The following ARID1B variants were observed in gnomAD, a reference collection of about 807,000 sequenced individuals.
ARID1B encodes the protein AT-rich interaction domain 1B, also known as AT-rich interactive domain-containing protein 1B.
A neutral mutation model predicts 212.3 loss-of-function variants in ARID1B; 30 were observed. That is an observed-to-expected ratio of 0.14 (90% confidence interval 0.11 to 0.19). ARID1B has a LOEUF of 0.19. Among genes scored for constraint, ARID1B ranks in the 10% least tolerant of loss-of-function variants. ARID1B has a pLI of 1.00. For missense variants in ARID1B, 2,891 were observed against 3,204.0 expected (o/e 0.90, Z 2.36); for synonymous variants, 1,402 against 1,301.7 (o/e 1.08, Z -1.66).
chr6:156,874,659 C>G (rs963193011), intron 2 of ARID1B, among the ~76,000 whole-genome samples: 2 of 152,162 alleles, frequency 1.3e-5, no homozygotes, highest in Admixed American at 6.5e-5. Context: ...TCCTTCATTC[C>G]TCTTACACAA....
At chr6:157,167,006 C>T (rs1327335673) in intron 8 of ARID1B, 34 bp from the exon 9 acceptor site, 5 of 1,602,676 alleles carry the variant, frequency 3.1e-6, no homozygotes, top group Middle Eastern at 1.6e-4. Flanking sequence ...TGTGCATGGT[C>T]GGTATATGTG....
At chr6:157,140,181 C>G (rs1418920745) in intron 7 of ARID1B, among the ~76,000 whole-genome samples, 2 of 151,980 alleles carry the variant, frequency 1.3e-5, no homozygotes, top group African/African-American at 4.8e-5. Context: ...TATTAGAACA[C>G]TTTTTGGGCC....
At chr6:156,820,852 G>A (rs1046741628) in intron 1 of ARID1B, among the ~76,000 whole-genome samples, 11 of 152,246 alleles carry the variant, frequency 7.2e-5, no homozygotes, top group African/African-American at 1.9e-4. Flanking sequence ...CATAGCAAGA[G>A]TAGTGAAGGA....
At chr6:156,976,966 C>G (rs1777288819) in intron 4 of ARID1B, 1 of 535,450 alleles carries the variant, frequency 1.9e-6, no homozygotes, top group African/African-American at 1.9e-5. Context: ...CTGCTTCCAT[C>G]CTGCCAGTTT....
At chr6:156,852,537 T>C (rs1243551574) in intron 2 of ARID1B, among the ~76,000 whole-genome samples, 1 of 152,148 alleles carries the variant, frequency 6.6e-6, no homozygotes, top group Non-Finnish European at 1.5e-5. Flanking sequence ...CTCATATGAC[T>C]ATTCCAACCA....
rs141153792 is a variant in ARID1B at position 156,880,739 on chromosome 6, C to CAAAAAAAA, written c.1987-20619_1987-20612dup. 2.4e-4 allele frequency among the ~76,000 whole-genome samples: 21 copies of CAAAAAAAA among 86,994 alleles called. 1 individual carries two copies. The highest frequency in any genetic ancestry group is 1.0e-3 in the East Asian group (2 of 1,978). 57.1% of individuals were successfully genotyped at this position (86,994 alleles called of 152,430 possible). A position where few individuals can be genotyped will look rare whatever the true frequency, so the allele number is the denominator to read the frequency against. On this transcript the variant is annotated intron_variant, in intron 2 of 19. Coordinates refer to ENST00000636930, the MANE Select transcript of ARID1B (RefSeq NM_001374828.1). ...TGGGCCACGGAGCGAGACTCTGTCT[C>CAAAAAAAA]AAAAAAAAAAAAAAAAAAAAAAAAA...
chr6:157,012,212 G>A (rs567352555), intron 4 of ARID1B, among the ~76,000 whole-genome samples: 1 of 152,286 alleles, frequency 6.6e-6, no homozygotes, highest in South Asian at 2.1e-4. Flanking sequence ...CTGAGATGTA[G>A]GATGGAATAG....
chr6:156,921,666 G>A (rs1010004766), intron 3 of ARID1B, among the ~76,000 whole-genome samples: 1 of 152,086 alleles, frequency 6.6e-6, no homozygotes, highest in Non-Finnish European at 1.5e-5. Flanking sequence ...GTGGGGAAGA[G>A]ATAATTTAGT....
chr6:156,925,454 G>GCT (rs1791140144), intron 3 of ARID1B, among the ~76,000 whole-genome samples: 1 of 152,070 alleles, frequency 6.6e-6, no homozygotes, highest in South Asian at 2.1e-4. Flanking sequence ...GTCACAGTGA[G>GCT]CTATGATTGT....
At chr6:157,174,268 T>C (rs1244464084) in intron 10 of ARID1B, 151 bp downstream of exon 10, 1 of 636,260 alleles carries the variant, frequency 1.6e-6, no homozygotes, top group Non-Finnish European at 2.7e-6. Flanking sequence ...AGTCTTCTTT[T>C]CTTTCCCCAG....
intron 9 of ARID1B, among the ~76,000 whole-genome samples, chr6:157,171,462 G>T (rs1269581795): frequency 6.6e-6 from 1 of 152,198 alleles, no homozygotes; most frequent in Non-Finnish European, 1.5e-5. Context: ...GCCTTGGGAG[G>T]CATATGGCTC....
intron 13 of ARID1B, chr6:157,185,263 G>A (rs1792894174): frequency 6.6e-6 from 1 of 152,314 alleles, no homozygotes; most frequent in Non-Finnish European, 1.5e-5. Flanking sequence ...GCACCTTAGT[G>A]CTGGGTGGTG....
At chr6:156,795,874 T>C (rs1780334607) in intron 1 of ARID1B, among the ~76,000 whole-genome samples, 1 of 151,658 alleles carries the variant, frequency 6.6e-6, no homozygotes, top group South Asian at 2.1e-4. Context: ...TCTCACAGCT[T>C]TTTAAAAAAA....
intron 3 of ARID1B, among the ~76,000 whole-genome samples, chr6:156,909,123 C>CTTTTTTTTTTTTTT (rs60183999): frequency 8.3e-5 from 9 of 108,824 alleles, no homozygotes; most frequent in African/African-American, 1.1e-4. Context: ...TTTTCTTTCT[C>CTTTTTTTTTTTTTT]TTTTTTTTTT....
At chr6:157,028,946 A>G (rs1290399640) in intron 4 of ARID1B, among the ~76,000 whole-genome samples, 1 of 152,224 alleles carries the variant, frequency 6.6e-6, no homozygotes, top group African/African-American at 2.4e-5. Flanking sequence ...TGCGAACTGT[A>G]TGTATTTTTA....
intron 3 of ARID1B, among the ~76,000 whole-genome samples, chr6:156,911,971 T>C (rs1347148069): frequency 6.6e-6 from 1 of 152,250 alleles, no homozygotes; most frequent in Admixed American, 6.5e-5. Flanking sequence ...TCTGGAAATG[T>C]TATAAATTTG....
Position 157,127,856 on chromosome 6 carries a change from GGAGGCTGAGGCAGAAGAATCACTT to G in ARID1B, c.2582-5169_2582-5146del, listed in dbSNP as rs369803934. Among the ~76,000 whole-genome samples the G allele has an allele frequency of 9.6e-3, 1,447 of 150,088 alleles. 17 individuals are homozygous for G. Among genetic ancestry groups the G allele is most frequent in the African/African-American group, 0.033 (1,345 of 40,462 alleles). On this transcript the variant is annotated intron_variant, in intron 6 of 19. Coordinates refer to ENST00000636930, the MANE Select transcript of ARID1B (RefSeq NM_001374828.1). ...GCACACCTGTAGTCCCAGCTATTCA[GGAGGCTGAGGCAGAAGAATCACTT>G]GAACCTGGGAGGCAGAGGTTGCAGT... is the stretch of plus-strand genomic sequence containing the variant.
At chr6:156,916,661 G>GCAT (rs1388173615) in intron 3 of ARID1B, among the ~76,000 whole-genome samples, 1 of 152,020 alleles carries the variant, frequency 6.6e-6, no homozygotes, top group Non-Finnish European at 1.5e-5. Context: ...AGGTCTCGAT[G>GCAT]CATCACATGC....
chr6:156,857,693 T>C (rs530429619), intron 2 of ARID1B, among the ~76,000 whole-genome samples: 1 of 152,356 alleles, frequency 6.6e-6, no homozygotes, highest in South Asian at 2.1e-4. Flanking sequence ...CAGTTTTGCA[T>C]TGGAAATATA....
Sources: gnomAD v4.1 joint callset for allele counts (sites outside exome capture counted in the v4.1 genomes callset) on GRCh38, gnomAD v4.1.1 for gene constraint, MANE v1.5 for transcripts, NCBI Gene and HGNC (gene_info 2026-07-23, HGNC 2026-07-21) for gene names.